HOMER1: variants seen among roughly 807,000 people sequenced by gnomAD.
HOMER1 encodes the protein homer scaffold protein 1.
Under a neutral mutation model 48.9 loss-of-function variants are expected in HOMER1, and 3 were observed. The ratio of observed to expected loss-of-function variants is 0.06; its 90% CI spans 0.03 to 0.16. The LOEUF is 0.16. HOMER1 is among the 10% of genes least tolerant of loss of function. The probability of loss-of-function intolerance (pLI) is 1.00; values close to 1 mark genes in which losing one functional copy is unlikely to be tolerated. For synonymous variants in HOMER1, 134 were observed against 146.4 expected (o/e 0.92, Z 0.61); for missense variants, 247 against 411.4 (o/e 0.60, Z 3.46).
chr5:79,465,781 G>C (rs965290629), intron 1 of HOMER1, among the ~76,000 whole-genome samples: 11 of 151,762 alleles, frequency 7.2e-5, no homozygotes, highest in African/African-American at 2.7e-4. Context: ...TTTTAGTAGA[G>C]ATGGGGTTTC....
chr5:79,491,443 A>AG (rs965109499), intron 1 of HOMER1, among the ~76,000 whole-genome samples: 2 of 150,110 alleles, frequency 1.3e-5, no homozygotes, highest in African/African-American at 4.9e-5. Context: ...TGTCTCAAAA[A>AG]AAAAAAAAAA....
At chr5:79,404,053 C>G (rs185643188) in intron 5 of HOMER1, among the ~76,000 whole-genome samples, 8 of 152,258 alleles carry the variant, frequency 5.3e-5, no homozygotes, top group African/African-American at 1.9e-4. Context: ...ATAGATTTTT[C>G]TTTAAACCAC....
intron 1 of HOMER1, among the ~76,000 whole-genome samples, chr5:79,460,377 A>G (rs1246632638): frequency 6.6e-6 from 1 of 152,186 alleles, no homozygotes; most frequent in African/African-American, 2.4e-5. Flanking sequence ...GCAGTAAGCC[A>G]AGATCATGCC....
chr5:79,384,675 CCAGA>C (rs1468986560), intron 8 of HOMER1, among the ~76,000 whole-genome samples: 1 of 152,062 alleles, frequency 6.6e-6, no homozygotes, highest in East Asian at 1.9e-4. Flanking sequence ...ATACCAAAAA[CCAGA>C]CAAAGATACA....
chr5:79,438,876 T>TAAA (rs78093840), intron 5 of HOMER1, 134 bp downstream of exon 5: 262 of 488,920 alleles, frequency 5.4e-4, no homozygotes, highest in South Asian at 1.1e-3. Context: ...ACAGAAGCAG[T>TAAA]AAAAAAAAAA....
chr5:79,502,232 A>C (rs1381723422), intron 1 of HOMER1, among the ~76,000 whole-genome samples: 8 of 152,028 alleles, frequency 5.3e-5, no homozygotes, highest in Non-Finnish European at 8.8e-5. Context: ...GTTGGCCAGG[A>C]TGGTCTCGAT....
At chr5:79,402,674 A>C (rs1037584911) in intron 5 of HOMER1, among the ~76,000 whole-genome samples, 1 of 152,214 alleles carries the variant, frequency 6.6e-6, no homozygotes, top group South Asian at 2.1e-4. Flanking sequence ...AGGAATAAAC[A>C]TTATAGCCTG....
chr5:79,379,262 T>C (rs1416576820), intron 8 of HOMER1, among the ~76,000 whole-genome samples: 1 of 105,606 alleles, frequency 9.5e-6, no homozygotes. Flanking sequence ...CTATTATATA[T>C]ATTATATATT....
At position 79,494,007 on chromosome 5, in the gene HOMER1, T is replaced by C. The variant is rs529881787; in HGVS notation, c.5+18763A>G. ...AGGACCATTACTTATCCAATCTAATTATTTCTTGCCTCATTTGATGTTTCT... is the reference window on the plus strand; with the variant it reads ...AGGACCATTACTTATCCAATCTAATCATTTCTTGCCTCATTTGATGTTTCT... On this transcript the variant is annotated intron_variant, in intron 1 of 8. Transcript: ENST00000334082. 8.5e-5 allele frequency among the ~76,000 whole-genome samples: 13 copies of C among 152,342 alleles called. 1 individual carries two copies. The highest frequency in any genetic ancestry group is 3.4e-3 in the Middle Eastern group (1 of 294).
intron 1 of HOMER1, among the ~76,000 whole-genome samples, chr5:79,506,997 A>G (rs1752791613): frequency 6.6e-6 from 1 of 151,982 alleles, no homozygotes; most frequent in Non-Finnish European, 1.5e-5. Context: ...GCAGATCACG[A>G]GGTCAGGAGT....
rs567562166 is a variant in HOMER1, at chr5:79,390,294, A to C, written c.876+6529T>G. Reference sequence around the variant, plus strand: ...GAGTGAGACTCTGTCTCAAAAACAAAAAACAAACAAACAAACAAAAACCCC... The same window carrying C: ...GAGTGAGACTCTGTCTCAAAAACAACAAACAAACAAACAAACAAAAACCCC... On this transcript the variant is annotated intron_variant, in intron 8 of 8. Coordinates refer to ENST00000334082, the MANE Select transcript of HOMER1 (RefSeq NM_004272.5). Among the ~76,000 whole-genome samples, 4 of 152,136 alleles carry C rather than the reference A, an allele frequency of 2.6e-5. No homozygotes were observed. In the East Asian group the frequency reaches 5.8e-4, roughly 22 times the overall value.
chr5:79,497,369 G>A (rs368708998), intron 1 of HOMER1, among the ~76,000 whole-genome samples: 2 of 152,038 alleles, frequency 1.3e-5, no homozygotes. Context: ...AAAAAATAGA[G>A]CTGGGTGCAG....
At chr5:79,472,821 T>C (rs1392610301) in intron 1 of HOMER1, among the ~76,000 whole-genome samples, 1 of 152,044 alleles carries the variant, frequency 6.6e-6, no homozygotes, top group Admixed American at 6.6e-5. Flanking sequence ...ACAGCCCTAG[T>C]GATATTAGAT....
At chr5:79,378,202 G>A (rs1363307578) in intron 8 of HOMER1, among the ~76,000 whole-genome samples, 1 of 126,938 alleles carries the variant, frequency 7.9e-6, no homozygotes, top group Non-Finnish European at 1.5e-5. Flanking sequence ...CGCCTGGGGT[G>A]ACAGAGTAAG....
intron 5 of HOMER1, among the ~76,000 whole-genome samples, chr5:79,417,365 A>G (rs1444240968): frequency 6.6e-6 from 1 of 152,094 alleles, no homozygotes; most frequent in Non-Finnish European, 1.5e-5. Flanking sequence ...GATGGTCTCA[A>G]TCTCCTGACC....
intron 1 of HOMER1, among the ~76,000 whole-genome samples, chr5:79,483,777 G>A (rs1409367946): frequency 6.6e-6 from 1 of 150,624 alleles, no homozygotes; most frequent in Non-Finnish European, 1.5e-5. Context: ...AAAAGTGGCC[G>A]GGTGTGGTGG....
At chr5:79,389,641 A>G (rs1421038028) in intron 8 of HOMER1, among the ~76,000 whole-genome samples, 9 of 152,292 alleles carry the variant, frequency 5.9e-5, no homozygotes, top group African/African-American at 1.9e-4. Context: ...ATGCAGCAAC[A>G]AGGCAACATC....
At chr5:79,407,691 G>A (rs192070607) in intron 5 of HOMER1, among the ~76,000 whole-genome samples, 54 of 152,292 alleles carry the variant, frequency 3.5e-4, no homozygotes, top group Admixed American at 3.4e-3. Context: ...GAAGGGCCAT[G>A]TAAACTGTCT....
At chr5:79,407,811 T>C (rs893025379) in intron 5 of HOMER1, among the ~76,000 whole-genome samples, 2 of 152,138 alleles carry the variant, frequency 1.3e-5, no homozygotes, top group African/African-American at 4.8e-5. Flanking sequence ...AAACCACAGA[T>C]GCAAAAAGTA....
Sources: allele counts gnomAD v4.1 joint callset (sites outside exome capture counted in the v4.1 genomes callset), GRCh38; gene constraint gnomAD v4.1.1; transcripts MANE v1.5; gene names NCBI Gene and HGNC (gene_info 2026-07-23, HGNC 2026-07-21).